SV2C: variants seen among roughly 807,000 people sequenced by gnomAD.
The protein encoded by SV2C is synaptic vesicle glycoprotein 2C, also known as solute carrier family 22 member B3.
SV2C carries 49 observed loss-of-function variants against 79.7 expected under a neutral mutation model. The ratio of observed to expected loss-of-function variants is 0.61; its 90% CI spans 0.49 to 0.78. The LOEUF (loss-of-function observed/expected upper bound fraction) is 0.78. Ranked by LOEUF, SV2C falls within the 30% of genes least tolerant of loss-of-function variation. The pLI, the probability that SV2C is intolerant of heterozygous loss-of-function variation, is 0.00. For missense variants in SV2C, 833 were observed against 912.9 expected, an observed-to-expected ratio of 0.91 and a Z score of 1.13; for synonymous variants, 334 against 333.2, an observed-to-expected ratio of 1.00 and a Z score of -0.03.
the SV2C span, among the ~76,000 whole-genome samples, chr5:75,860,832 G>A: frequency 6.6e-6 from 1 of 152,158 alleles, no homozygotes; most frequent in Non-Finnish European, 1.5e-5. Context: ...ATAAGCAATG[G>A]GGAAAGGACT....
At chr5:75,984,567 A>ATCTATCTATCTATATCTATCTATC in the SV2C span, among the ~76,000 whole-genome samples, 354 of 102,892 alleles carry the variant, frequency 3.4e-3, no homozygotes, top group African/African-American at 9.3e-3. Context: ...CTATCTATCT[A>ATCTATCTATCTATATCTATCTATC]TATCTATCTA....
the SV2C span, among the ~76,000 whole-genome samples, chr5:76,003,274 G>A: frequency 1.3e-5 from 2 of 152,030 alleles, no homozygotes; most frequent in Admixed American, 6.6e-5. Flanking sequence ...AGCACCATGA[G>A]AACGGACTAA....
the SV2C span, among the ~76,000 whole-genome samples, chr5:75,888,149 C>T: frequency 1.3e-5 from 2 of 151,884 alleles, no homozygotes; most frequent in African/African-American, 4.8e-5. Context: ...CATCTCAGTC[C>T]ATTGTGTAAA....
At chr5:76,016,861 T>C in the SV2C span, among the ~76,000 whole-genome samples, 1 of 152,184 alleles carries the variant, frequency 6.6e-6, no homozygotes, top group African/African-American at 2.4e-5. Context: ...TTGCTTCACT[T>C]CACTCAAAGA....
At chr5:76,285,466 A>C in intron 5 of SV2C, 171 bp downstream of exon 5, 1 of 917,030 alleles carries the variant, frequency 1.1e-6, no homozygotes, top group Non-Finnish European at 1.6e-6. Context: ...CAACATGTAA[A>C]AAAGCTGCCT....
At chr5:75,963,314 C>T in the SV2C span, among the ~76,000 whole-genome samples, 51 of 152,142 alleles carry the variant, frequency 3.4e-4, no homozygotes, top group Non-Finnish European at 5.7e-4. Flanking sequence ...TGAGTACACT[C>T]ACAACGAATT....
At chr5:75,893,415 A>G in the SV2C span, among the ~76,000 whole-genome samples, 3 of 152,234 alleles carry the variant, frequency 2.0e-5, no homozygotes, top group East Asian at 3.9e-4. Flanking sequence ...TTTTGCAGCC[A>G]TAAAAAAGAA....
intron 1 of SV2C, among the ~76,000 whole-genome samples, chr5:76,096,089 G>C (rs1298872548): frequency 6.6e-6 from 1 of 152,132 alleles, no homozygotes; most frequent in Non-Finnish European, 1.5e-5. Flanking sequence ...CGTGATTGTA[G>C]GGGAGTGAGT....
At chr5:76,353,166 A>T in exon 13 of SV2C, 1 of 445,120 alleles carries the variant, frequency 2.2e-6, no homozygotes, top group South Asian at 1.6e-5. Flanking sequence ...GCTGATCTTG[A>T]ACTCCTGGCC....
chr5:76,010,521 C>A, the SV2C span, among the ~76,000 whole-genome samples: 48 of 152,096 alleles, frequency 3.2e-4, no homozygotes, highest in Admixed American at 8.5e-4. Context: ...CTGAAGAAAT[C>A]ATCTTTTTCC....
rs186044997 is a variant in SV2C at position 76,149,566 on chromosome 5, T to C, written c.580+17236T>C. Among the ~76,000 whole-genome samples the C allele has an allele frequency of 7.9e-5, 12 of 152,316 alleles. No homozygotes were observed. The East Asian group carries it at 2.3e-3, about 29-fold the overall frequency. ...TAAATGATACTATGTTTTTAAATAA[T>C]CAGAGGTGGGGATATAAGTGGAAGT... On this transcript the variant is annotated intron_variant, in intron 2 of 12. Coordinates refer to ENST00000502798, the MANE Select transcript of SV2C (RefSeq NM_014979.4).
the SV2C span, among the ~76,000 whole-genome samples, chr5:75,967,040 A>G: frequency 6.6e-6 from 1 of 152,148 alleles, no homozygotes; most frequent in Non-Finnish European, 1.5e-5. Context: ...TTTTAAAAAA[A>G]TTCTCCTTTC....
At chr5:75,908,202 C>T in the SV2C span, among the ~76,000 whole-genome samples, 1 of 152,306 alleles carries the variant, frequency 6.6e-6, no homozygotes, top group East Asian at 1.9e-4. Context: ...CCCAACTCCC[C>T]AGCATTAGGT....
intron 2 of SV2C, among the ~76,000 whole-genome samples, chr5:76,169,200 T>C (rs1743138539): frequency 6.6e-6 from 1 of 152,224 alleles, no homozygotes; most frequent in Non-Finnish European, 1.5e-5. Flanking sequence ...AATGATTTAA[T>C]GCAGGAGCCC....
the SV2C span, among the ~76,000 whole-genome samples, chr5:75,890,157 A>G: frequency 6.6e-6 from 1 of 152,136 alleles, no homozygotes; most frequent in Admixed American, 6.6e-5. Context: ...TGCTAAAATT[A>G]CCCACAATGT....
upstream of SV2C, chr5:76,078,698 C>T: frequency 6.0e-6 from 3 of 499,500 alleles, no homozygotes; most frequent in Middle Eastern, 1.9e-3. Flanking sequence ...AGATCAACTT[C>T]ATGCTCGGTG....
At chr5:75,975,249 T>C in the SV2C span, among the ~76,000 whole-genome samples, 1 of 152,188 alleles carries the variant, frequency 6.6e-6, no homozygotes, top group South Asian at 2.1e-4. Context: ...GGAGTGCACC[T>C]AGTGAAGCCC....
the SV2C span, among the ~76,000 whole-genome samples, chr5:75,963,054 G>A: frequency 6.6e-6 from 1 of 152,082 alleles, no homozygotes; most frequent in African/African-American, 2.4e-5. Context: ...TGTGTAAAAT[G>A]CAGTGGAGAC....
the SV2C span, among the ~76,000 whole-genome samples, chr5:76,035,598 C>A: frequency 8.0e-6 from 1 of 124,940 alleles, no homozygotes; most frequent in Non-Finnish European, 1.6e-5. Flanking sequence ...AGTTTGATTG[C>A]ACTGTGATCT....
Sources: gnomAD v4.1 joint callset for allele counts (sites outside exome capture counted in the v4.1 genomes callset) on GRCh38, gnomAD v4.1.1 for gene constraint, MANE v1.5 for transcripts, NCBI Gene and HGNC (gene_info 2026-07-23, HGNC 2026-07-21) for gene names.